Variants in IQCM observed in about 807,000 individuals in gnomAD.
The protein encoded by IQCM is IQ motif containing M, also known as IQ domain-containing protein M.
IQCM carries 45 observed loss-of-function variants against 57.6 expected under a neutral mutation model. The observed-to-expected ratio is 0.78, with a 90% CI of 0.62 to 1.00. The LOEUF (loss-of-function observed/expected upper bound fraction) is 1.00. Ranked by LOEUF, IQCM falls within the 50% of genes least tolerant of loss-of-function variation. The pLI, the probability that IQCM is intolerant of heterozygous loss-of-function variation, is 0.00. For synonymous variants in IQCM, 148 were observed against 158.9 expected, an observed-to-expected ratio of 0.93 and a Z score of 0.51; for missense variants, 468 against 511.6, an observed-to-expected ratio of 0.91 and a Z score of 0.82.
chr4:149,727,928 C>A (rs1340588374), intron 5 of IQCM, among the ~76,000 whole-genome samples: 1 of 152,196 alleles, frequency 6.6e-6, no homozygotes. Context: ...CTCTTCCCAA[C>A]TCCTGTAATC....
At chr4:149,632,752 T>C (rs898682365) in intron 7 of IQCM, among the ~76,000 whole-genome samples, 2 of 152,236 alleles carry the variant, frequency 1.3e-5, no homozygotes, top group African/African-American at 2.4e-5. Context: ...GAACTGTATA[T>C]GATTGGTGGG....
intron 7 of IQCM, among the ~76,000 whole-genome samples, chr4:149,654,664 T>C (rs1477764149): frequency 6.6e-6 from 1 of 152,134 alleles, no homozygotes; most frequent in Non-Finnish European, 1.5e-5. Flanking sequence ...ACACTGTACA[T>C]TTACTAAGTG....
In IQCM at chr4:149,714,551, A is replaced by G. The variant is rs1177408633; in HGVS notation, c.385+18693T>C. On this transcript the variant is annotated intron_variant, in intron 5 of 13. Transcript: ENST00000636793. Reference sequence around the variant, plus strand: ...TACTCCCTTATCTGAGGGTGGATACATTGAAGACCCCTAGTGGATGCCTGA... The same window carrying G: ...TACTCCCTTATCTGAGGGTGGATACGTTGAAGACCCCTAGTGGATGCCTGA... Among the ~76,000 whole-genome samples, 6 of 152,186 alleles carry G rather than the reference A, an allele frequency of 3.9e-5. No homozygotes were observed. In the East Asian group the frequency reaches 5.8e-4, roughly 15 times the overall value.
chr4:149,411,787 C>T (rs935081448), intron 13 of IQCM, among the ~76,000 whole-genome samples: 7 of 152,054 alleles, frequency 4.6e-5, no homozygotes, highest in Admixed American at 1.3e-4. Context: ...ATTATTCAAT[C>T]AACACAATAC....
intron 12 of IQCM, among the ~76,000 whole-genome samples, chr4:149,452,165 C>T (rs1429185583): frequency 6.6e-6 from 1 of 151,370 alleles, no homozygotes; most frequent in Non-Finnish European, 1.5e-5. Context: ...ACACTGAATG[C>T]TATAAACATT....
chr4:149,631,668 T>C (rs1328626949), intron 7 of IQCM, among the ~76,000 whole-genome samples: 1 of 152,204 alleles, frequency 6.6e-6, no homozygotes, highest in Non-Finnish European at 1.5e-5. Flanking sequence ...TAGCTTTTGG[T>C]TTGATCAATT....
intron 5 of IQCM, among the ~76,000 whole-genome samples, chr4:149,706,939 T>C (rs1297864930): frequency 6.6e-6 from 1 of 151,982 alleles, no homozygotes; most frequent in Admixed American, 6.6e-5. Flanking sequence ...TTGTTTTGAG[T>C]CTATTTCCTA....
chr4:149,478,094 T>C (rs1224599267), intron 12 of IQCM, among the ~76,000 whole-genome samples: 1 of 152,196 alleles, frequency 6.6e-6, no homozygotes, highest in Non-Finnish European at 1.5e-5. Context: ...CTTAGAATAC[T>C]GCCAGGGATG....
chr4:149,587,300 CT>C (rs981531905), intron 9 of IQCM, among the ~76,000 whole-genome samples: 1 of 151,706 alleles, frequency 6.6e-6, no homozygotes, highest in Non-Finnish European at 1.5e-5. Flanking sequence ...TTCAAATATT[CT>C]TTTTTTAGCT....
intron 7 of IQCM, among the ~76,000 whole-genome samples, chr4:149,673,870 G>T (rs957180900): frequency 6.6e-6 from 1 of 152,016 alleles, no homozygotes; most frequent in East Asian, 1.9e-4. Flanking sequence ...TAAGTTTTTT[G>T]TTGTTGTTTT....
chr4:149,370,724 T>C (rs563997463), intron 13 of IQCM, among the ~76,000 whole-genome samples: 2 of 152,302 alleles, frequency 1.3e-5, no homozygotes, highest in South Asian at 4.1e-4. Flanking sequence ...TCCCTGTAGA[T>C]AAGTTTCTGT....
At chr4:149,581,965 G>A (rs779350594) in intron 9 of IQCM, among the ~76,000 whole-genome samples, 25 of 151,416 alleles carry the variant, frequency 1.7e-4, no homozygotes, top group Admixed American at 7.9e-4. Context: ...GCCTTGGAGC[G>A]GGGAGGTTTG....
chr4:149,736,695 T>C (rs1390059832), intron 3 of IQCM, among the ~76,000 whole-genome samples: 1 of 152,150 alleles, frequency 6.6e-6, no homozygotes, highest in East Asian at 1.9e-4. Flanking sequence ...ACACCAAGTG[T>C]TGATGAGGCT....
At chr4:149,525,099 T>C (rs1012098505) in intron 12 of IQCM, among the ~76,000 whole-genome samples, 3 of 151,872 alleles carry the variant, frequency 2.0e-5, no homozygotes, top group Non-Finnish European at 4.4e-5. Context: ...AATTCCAGTA[T>C]TTTAATTAAA....
chr4:149,358,345 C>T (rs955019156), intron 13 of IQCM, among the ~76,000 whole-genome samples: 11 of 152,070 alleles, frequency 7.2e-5, no homozygotes, highest in East Asian at 3.9e-4. Context: ...GTTAGGGTGT[C>T]GATTTTAGAT....
chr4:149,745,609 G>C (rs1446629035), intron 2 of IQCM, among the ~76,000 whole-genome samples: 1 of 152,176 alleles, frequency 6.6e-6, no homozygotes, highest in Non-Finnish European at 1.5e-5. Context: ...ATGGATGAAA[G>C]ACAAACAGAA....
intron 7 of IQCM, among the ~76,000 whole-genome samples, chr4:149,661,682 G>A (rs555410161): frequency 2.0e-5 from 3 of 152,156 alleles, no homozygotes; most frequent in African/African-American, 4.8e-5. Context: ...AAACTTGGTA[G>A]GTTGTAAATG....
intron 12 of IQCM, among the ~76,000 whole-genome samples, chr4:149,476,454 C>T (rs1158269699): frequency 6.6e-6 from 1 of 152,032 alleles, no homozygotes; most frequent in Non-Finnish European, 1.5e-5. Context: ...AGAAAGCGAT[C>T]AAACCATTAC....
intron 2 of IQCM, among the ~76,000 whole-genome samples, chr4:149,811,268 A>G (rs1228679179): frequency 1.3e-5 from 2 of 152,108 alleles, no homozygotes; most frequent in Admixed American, 1.3e-4. Flanking sequence ...CTTTCCATCA[A>G]CAGAGTTTCC....
Sources: allele counts gnomAD v4.1 joint callset (sites outside exome capture counted in the v4.1 genomes callset), GRCh38; gene constraint gnomAD v4.1.1; transcripts MANE v1.5; gene names NCBI Gene and HGNC (gene_info 2026-07-23, HGNC 2026-07-21).